ZNF717: variants seen among roughly 807,000 people sequenced by gnomAD.
The protein encoded by ZNF717 is zinc finger protein 717.
In ZNF717, 9 loss-of-function variants were observed where a neutral mutation model predicts 13.8. The ratio of observed to expected loss-of-function variants is 0.65; its 90% CI spans 0.39 to 1.14. The LOEUF (loss-of-function observed/expected upper bound fraction) is 1.14. Among genes scored for constraint, ZNF717 ranks in the 50% most tolerant of loss-of-function variants. The probability of loss-of-function intolerance (pLI) is 0.01; values close to 1 mark genes in which losing one functional copy is unlikely to be tolerated. For missense variants in ZNF717, 1,040 were observed against 1,080.7 expected (o/e 0.96, Z 0.53); for synonymous variants, 327 against 364.1 (o/e 0.90, Z 1.16).
At position 75,738,235 on chromosome 3, in the gene ZNF717, T is replaced by C; in HGVS notation, c.1388A>G (p.Lys463Arg). 2 of 1,543,110 alleles carry C rather than the reference T, an allele frequency of 1.3e-6. No individual in the cohort carries two copies. The highest frequency in any genetic ancestry group is 2.5e-5 in the East Asian group (1 of 40,730). The change falls in exon 5 of 5, where the codon AAG (lysine) becomes AGG (arginine). Residue 463 changes from lysine (K) to arginine (R), a missense_variant. By Grantham distance (26) the Lys-to-Arg change is conservative. Transcript: ENST00000652011. Reference sequence around the variant, plus strand: ...TCTCTGATGTAACCTGAGGTTTGACTTATTGATAAAGGGTTTTCCACACTC... The same window carrying C: ...TCTCTGATGTAACCTGAGGTTTGACCTATTGATAAAGGGTTTTCCACACTC... ...CNECGKPFIN[K>R]SNLRLHQRTH...
intron 2 of ZNF717, among the ~76,000 whole-genome samples, chr3:75,744,474 T>C (rs980645090): frequency 5.4e-4 from 83 of 152,362 alleles, no homozygotes; most frequent in African/African-American, 2.0e-3. Context: ...GCCCCCAGGA[T>C]TGCAGAGACA....
downstream of ZNF717, among the ~76,000 whole-genome samples, chr3:75,706,575 T>G (rs1937807039): frequency 1.3e-5 from 2 of 152,308 alleles, no homozygotes; most frequent in African/African-American, 4.8e-5. Flanking sequence ...TCTGAGCCAC[T>G]GTGCCTTGGA....
intron 2 of ZNF717, among the ~76,000 whole-genome samples, chr3:75,768,203 GCTGA>G (rs1048039715): frequency 2.6e-5 from 4 of 152,328 alleles, no homozygotes; most frequent in South Asian, 2.1e-4. Flanking sequence ...AAAGAGAAAT[GCTGA>G]CTGTTTTCAC....
intron 5 of ZNF717, among the ~76,000 whole-genome samples, chr3:75,713,586 T>C (rs1452568256): frequency 6.6e-6 from 1 of 152,236 alleles, no homozygotes; most frequent in Non-Finnish European, 1.5e-5. Context: ...GAAAGTCATA[T>C]GGGTATAAAA....
chr3:75,734,815 ATATTTTTTTTT>A (rs1460811812), downstream of ZNF717, among the ~76,000 whole-genome samples: 10 of 43,238 alleles, frequency 2.3e-4, no homozygotes, highest in South Asian at 6.8e-4. Context: ...ATATATATAT[ATATTTTTTTTT>A]TTTTTTTTTT....
chr3:75,710,806 T>A (rs1226643299), exon 6 of ZNF717: 1 of 152,174 alleles, frequency 6.6e-6, no homozygotes, highest in Non-Finnish European at 1.5e-5. Context: ...GGATCTAGTA[T>A]AATCTACATG....
At chr3:75,723,414 C>G (rs62248813) in intron 4 of ZNF717, among the ~76,000 whole-genome samples, 4,011 of 107,432 alleles carry the variant, frequency 0.037, no homozygotes, top group Non-Finnish European at 0.048. Flanking sequence ...CAGGTGCCAA[C>G]GCAAGAGACT....
In ZNF717 at chr3:75,742,321, CAA is replaced by C. The variant is rs369657631; in HGVS notation, c.58-587_58-586del. Among the ~76,000 whole-genome samples the C allele has an allele frequency of 9.4e-4, 53 of 56,338 alleles. 1 individual carries two copies. The highest frequency in any genetic ancestry group is 1.9e-3 in the African/African-American group (32 of 17,148). 37.0% of individuals were successfully genotyped at this position (56,338 alleles called of 152,430 possible). ...CCTGACCAACAGAGAGCCTACCTCT[CAA>C]AAAAAAAAAAAAAAAAGAATAAAAT... On this transcript the variant is annotated intron_variant, in intron 2 of 4. Transcript: ENST00000652011.
intron 6 of ZNF717, among the ~76,000 whole-genome samples, chr3:75,697,563 TG>T (rs200357952): frequency 0.067 from 7,058 of 105,638 alleles, no homozygotes; most frequent in Middle Eastern, 0.094. Flanking sequence ...ACTTCTGCCA[TG>T]ACTGTAAACT....
downstream of ZNF717, among the ~76,000 whole-genome samples, chr3:75,706,143 A>G (rs1937799173): frequency 2.0e-5 from 3 of 152,292 alleles, no homozygotes; most frequent in African/African-American, 7.2e-5. Flanking sequence ...AATAAAAAAA[A>G]AGTGTGATAA....
intron 2 of ZNF717, among the ~76,000 whole-genome samples, chr3:75,751,514 C>A (rs1164298582): frequency 6.6e-6 from 1 of 152,014 alleles, no homozygotes; most frequent in African/African-American, 2.4e-5. Flanking sequence ...GTATGTCCCT[C>A]ACATAGGATT....
intron 2 of ZNF717, among the ~76,000 whole-genome samples, chr3:75,777,982 A>AAAATG (rs911935076): frequency 3.3e-5 from 5 of 149,408 alleles, no homozygotes; most frequent in African/African-American, 1.2e-4. Context: ...GAAACCAAAA[A>AAAATG]AAATGGGAGT....
chr3:75,709,113 T>C (rs3009074), downstream of ZNF717, among the ~76,000 whole-genome samples: 151,518 of 151,812 alleles, frequency 1, 75,613 homozygotes, highest in Middle Eastern at 1. Context: ...CGATTCCTGT[T>C]TCAGCCTCCT....
intron 6 of ZNF717, among the ~76,000 whole-genome samples, chr3:75,695,038 T>C (rs1242164910): frequency 6.6e-6 from 1 of 151,988 alleles, no homozygotes; most frequent in Non-Finnish European, 1.5e-5. Flanking sequence ...AAAAGAAAAA[T>C]AGTGGATGAA....
At chr3:75,774,772 C>G (rs1401486471) in intron 2 of ZNF717, among the ~76,000 whole-genome samples, 1 of 151,776 alleles carries the variant, frequency 6.6e-6, no homozygotes, top group Non-Finnish European at 1.5e-5. Context: ...AGGTGCCCAC[C>G]ACCACGCCTG....
At chr3:75,776,388 T>G (rs1944324256) in intron 2 of ZNF717, among the ~76,000 whole-genome samples, 1 of 152,284 alleles carries the variant, frequency 6.6e-6, no homozygotes, top group South Asian at 2.1e-4. Context: ...TATAAAGGGA[T>G]TTCATTCAGT....
chr3:75,738,210 T>C lies in ZNF717; in HGVS notation c.1413A>G (p.Arg471=). 1 of 1,553,266 alleles carries C rather than the reference T, an allele frequency of 6.4e-7. No homozygotes were observed. The highest frequency in any genetic ancestry group is 1.2e-5 in the South Asian group (1 of 84,628). The stretch of plus-strand genomic sequence containing the variant: ...CATAGGGTTTTTCCCCTGTGTGAGT[T>C]CTCTGATGTAACCTGAGGTTTGACT... The part of the protein sequence containing the change: ...INKSNLRLHQ[R]THTGEKPYEC... The change falls in exon 5 of 5, where the codon AGA becomes AGG. Residue 471 remains arginine, a synonymous_variant. Coordinates refer to ENST00000652011, the MANE Select transcript of ZNF717 (RefSeq NM_001290208.3).
At chr3:75,723,357 C>G (rs2106872094) in intron 4 of ZNF717, among the ~76,000 whole-genome samples, 1 of 146,888 alleles carries the variant, frequency 6.8e-6, no homozygotes, top group African/African-American at 2.5e-5. Context: ...CCAAGTGATC[C>G]TCCCGCCTCA....
chr3:75,755,676 G>A (rs1333769564), intron 2 of ZNF717, among the ~76,000 whole-genome samples: 1 of 152,218 alleles, frequency 6.6e-6, no homozygotes, highest in Non-Finnish European at 1.5e-5. Context: ...TGAATTGGTT[G>A]TAAATGTATA....
Sources: allele counts gnomAD v4.1 joint callset (sites outside exome capture counted in the v4.1 genomes callset), GRCh38; gene constraint gnomAD v4.1.1; transcripts MANE v1.5; gene names NCBI Gene and HGNC (gene_info 2026-07-23, HGNC 2026-07-21).